Variants in SLC14A2 observed in about 807,000 individuals in gnomAD.
SLC14A2 encodes the protein solute carrier family 14 member 2.
A neutral mutation model predicts 104.6 loss-of-function variants in SLC14A2; 91 were observed. The observed-to-expected ratio is 0.87, with a 90% CI of 0.73 to 1.04. SLC14A2 has a LOEUF of 1.04. Among genes scored for constraint, SLC14A2 ranks in the 50% least tolerant of loss-of-function variants. The pLI, the probability that SLC14A2 is intolerant of heterozygous loss-of-function variation, is 0.00. For missense variants in SLC14A2, 1,189 were observed against 1,156.0 expected (o/e 1.03, Z -0.41); for synonymous variants, 476 against 466.4 (o/e 1.02, Z -0.27).
At chr18:45,451,451 C>T (rs1173671779) in intron 1 of SLC14A2, among the ~76,000 whole-genome samples, 1 of 151,000 alleles carries the variant, frequency 6.6e-6, no homozygotes, top group East Asian at 1.9e-4. Flanking sequence ...CTATCTGATC[C>T]TTGGGAGAGT....
intron 1 of SLC14A2, among the ~76,000 whole-genome samples, chr18:45,426,583 GTA>G (rs2098552645): frequency 6.8e-6 from 1 of 147,070 alleles, no homozygotes; most frequent in Non-Finnish European, 1.5e-5. Context: ...CATATATATA[GTA>G]TATATATACA....
intron 1 of SLC14A2, among the ~76,000 whole-genome samples, chr18:45,306,852 G>T (rs185097300): frequency 6.6e-6 from 1 of 152,258 alleles, no homozygotes; most frequent in East Asian, 1.9e-4. Flanking sequence ...TAACTCACTT[G>T]TTCGGGCACT....
chr18:45,475,648 T>TATATATTTAGGATATATATATATTTAGG (rs2087354353), intron 1 of SLC14A2, among the ~76,000 whole-genome samples: 1 of 12,026 alleles, frequency 8.3e-5, no homozygotes, highest in African/African-American at 3.3e-4. Flanking sequence ...TTAGGATATA[T>TATATATTTAGGATATATATATATTTAGG]ATATATATAT....
At position 45,668,020 on chromosome 18, in the gene SLC14A2, C is replaced by A; in HGVS notation, c.1905C>A (p.Asp635Glu). 6.2e-7 allele frequency: 1 copy of A among 1,613,924 alleles called. No homozygotes were observed. Among genetic ancestry groups the A allele is most frequent in the South Asian group, 1.1e-5 (1 of 91,074 alleles). The change falls in exon 14 of 20, where the codon GAC (aspartate) becomes GAA (glutamate). Residue 635 changes from aspartate to glutamate, a missense_variant and splice_region_variant. Coordinates refer to ENST00000255226, the MANE Select transcript of SLC14A2 (RefSeq NM_007163.4). ...STLTALILSQ[D>E]KSAIAAGFHG... ...TGACAGCCCTCATCCTGAGTCAGGA[C>A]AAGTAAGTCCCAGAGGCTCAGGGTC... is the stretch of plus-strand genomic sequence containing the variant.
At chr18:45,531,706 G>T (rs78520799) in intron 2 of SLC14A2, among the ~76,000 whole-genome samples, 80,364 of 151,564 alleles carry the variant, frequency 0.53, 21,818 homozygotes, top group African/African-American at 0.66. Context: ...TTAGTTTAAT[G>T]AGATCCCATT....
intron 1 of SLC14A2, among the ~76,000 whole-genome samples, chr18:45,268,910 C>G (rs2084620995): frequency 6.6e-6 from 1 of 151,640 alleles, no homozygotes; most frequent in Non-Finnish European, 1.5e-5. Flanking sequence ...GAGTTCTGAT[C>G]TGGGTGGAAA....
chr18:45,212,927 G>A (rs1244869058), upstream of SLC14A2: 1 of 152,338 alleles, frequency 6.6e-6, no homozygotes, highest in Admixed American at 6.6e-5. Flanking sequence ...ATCTAGTGGG[G>A]GATCCAACTT....
intron 1 of SLC14A2, among the ~76,000 whole-genome samples, chr18:45,404,352 G>A (rs781077155): frequency 2.0e-5 from 3 of 152,036 alleles, no homozygotes; most frequent in Admixed American, 6.6e-5. Flanking sequence ...TAAATCAAAC[G>A]CCACTGCAGT....
At chr18:45,680,933 A>G (rs1270399865) in intron 19 of SLC14A2, among the ~76,000 whole-genome samples, 1 of 152,168 alleles carries the variant, frequency 6.6e-6, no homozygotes, top group East Asian at 1.9e-4. Context: ...TGCCCCTTAC[A>G]GACCCAGCTC....
At chr18:45,490,784 A>C (rs2042982602) in intron 2 of SLC14A2, among the ~76,000 whole-genome samples, 1 of 152,214 alleles carries the variant, frequency 6.6e-6, no homozygotes, top group South Asian at 2.1e-4. Flanking sequence ...TAAGTAAAAG[A>C]CAAACAGCCC....
intron 2 of SLC14A2, among the ~76,000 whole-genome samples, chr18:45,578,242 CCTT>C (rs1284962651): frequency 1.3e-5 from 2 of 152,222 alleles, no homozygotes; most frequent in Admixed American, 6.5e-5. Context: ...AGGGCCTAGA[CCTT>C]CTACCACAAA....
At chr18:45,630,207 T>TG (rs1340639551) in intron 4 of SLC14A2, among the ~76,000 whole-genome samples, 12 of 152,344 alleles carry the variant, frequency 7.9e-5, no homozygotes, top group South Asian at 4.1e-4. Flanking sequence ...GCTTTGTTGC[T>TG]GACAGGTCAG....
At chr18:45,170,752 G>A in the SLC14A2 span, among the ~76,000 whole-genome samples, 6 of 152,154 alleles carry the variant, frequency 3.9e-5, no homozygotes, top group South Asian at 1.0e-3. Context: ...CTATTTTCCT[G>A]TGGGTCTAGG....
At chr18:45,656,958 A>G (rs547205719) in intron 10 of SLC14A2, among the ~76,000 whole-genome samples, 32 of 152,308 alleles carry the variant, frequency 2.1e-4, no homozygotes, top group Non-Finnish European at 4.4e-4. Context: ...TGGCTAATGG[A>G]TTAAGAAGTT....
upstream of SLC14A2, among the ~76,000 whole-genome samples, chr18:45,611,933 A>G (rs1450402564): frequency 6.6e-6 from 1 of 152,250 alleles, no homozygotes; most frequent in Admixed American, 6.5e-5. Context: ...TTCAAACAGT[A>G]CAGAATTTGT....
intron 1 of SLC14A2, among the ~76,000 whole-genome samples, chr18:45,254,897 T>C (rs1047431607): frequency 6.6e-6 from 1 of 152,082 alleles, no homozygotes; most frequent in Non-Finnish European, 1.5e-5. Flanking sequence ...TTCCCAACCC[T>C]TCCCTGGGGC....
intron 2 of SLC14A2, among the ~76,000 whole-genome samples, chr18:45,557,605 CTG>C (rs1311129251): frequency 6.6e-6 from 1 of 152,212 alleles, no homozygotes; most frequent in African/African-American, 2.4e-5. Context: ...CTCAGCTTCT[CTG>C]GAGTTGGATG....
intron 1 of SLC14A2, among the ~76,000 whole-genome samples, chr18:45,248,375 G>A (rs990981780): frequency 2.6e-5 from 4 of 152,120 alleles, no homozygotes; most frequent in African/African-American, 9.6e-5. Context: ...TTCATGAAAG[G>A]CACTAGTGCA....
chr18:45,499,617 A>G (rs186588534), intron 2 of SLC14A2, among the ~76,000 whole-genome samples: 13 of 152,336 alleles, frequency 8.5e-5, no homozygotes, highest in East Asian at 3.9e-4. Context: ...ATACTTTGCA[A>G]ACTTCTAAGT....
Sources: allele counts gnomAD v4.1 joint callset (sites outside exome capture counted in the v4.1 genomes callset), GRCh38; gene constraint gnomAD v4.1.1; transcripts MANE v1.5; gene names NCBI Gene and HGNC (gene_info 2026-07-23, HGNC 2026-07-21).